The following ITGA8 variants were observed in gnomAD, a reference collection of about 807,000 sequenced individuals.
The protein encoded by ITGA8 is integrin alpha-8.
Under a neutral mutation model 142.3 loss-of-function variants are expected in ITGA8, and 91 were observed. The observed-to-expected ratio is 0.64, with a 90% CI of 0.54 to 0.76. ITGA8 has a LOEUF of 0.76. Ranked by LOEUF, ITGA8 falls within the 30% of genes least tolerant of loss-of-function variation. The pLI is 0.00. For missense variants in ITGA8, 1,406 were observed against 1,327.7 expected, an observed-to-expected ratio of 1.06 and a Z score of -0.92; for synonymous variants, 505 against 485.2, an observed-to-expected ratio of 1.04 and a Z score of -0.54.
intron 4 of ITGA8, among the ~76,000 whole-genome samples, chr10:15,679,500 T>C (rs1190400935): frequency 6.6e-6 from 1 of 152,136 alleles, no homozygotes; most frequent in Non-Finnish European, 1.5e-5. Flanking sequence ...GAGAATCTCT[T>C]GAACCCAGGA....
At chr10:15,657,331 A>G (rs369001768) in intron 10 of ITGA8, among the ~76,000 whole-genome samples, 2 of 152,162 alleles carry the variant, frequency 1.3e-5, no homozygotes, top group Non-Finnish European at 2.9e-5. Context: ...TTCAATATCT[A>G]TTCAACTTCC....
chr10:15,585,612 C>T (rs1405309484), intron 23 of ITGA8, among the ~76,000 whole-genome samples: 1 of 152,120 alleles, frequency 6.6e-6, no homozygotes, highest in East Asian at 1.9e-4. Context: ...ACATTTTTAG[C>T]CAAATCCATG....
At chr10:15,654,843 A>G (rs948027112) in intron 11 of ITGA8, among the ~76,000 whole-genome samples, 2 of 152,196 alleles carry the variant, frequency 1.3e-5, no homozygotes, top group African/African-American at 4.8e-5. Context: ...ATCATAATTT[A>G]TTTTTGAAGT....
rs556398399 is a variant in ITGA8, at chr10:15,527,669, A to G, written c.2982+3381T>C. On this transcript the variant is annotated intron_variant, in intron 28 of 29. Transcript: ENST00000378076. ...CAAACGGGAATTGTGATTCTCTTCCATAAGTAAAGCTAATACGGGCCTCAA... is the reference window on the plus strand; with the variant it reads ...CAAACGGGAATTGTGATTCTCTTCCGTAAGTAAAGCTAATACGGGCCTCAA... Among the ~76,000 whole-genome samples, 9 of 152,300 alleles carry G rather than the reference A, an allele frequency of 5.9e-5. No homozygotes were observed. In the South Asian group the frequency reaches 1.5e-3, roughly 25 times the overall value.
chr10:15,678,082 G>A (rs1834665807), intron 5 of ITGA8, among the ~76,000 whole-genome samples: 1 of 152,110 alleles, frequency 6.6e-6, no homozygotes, highest in Non-Finnish European at 1.5e-5. Flanking sequence ...AGGAGAAAGA[G>A]CAAACACTCC....
At chr10:15,675,958 AT>A (rs1183943858) in intron 6 of ITGA8, among the ~76,000 whole-genome samples, 2 of 152,214 alleles carry the variant, frequency 1.3e-5, no homozygotes, top group Non-Finnish European at 2.9e-5. Context: ...AACCAAAAGA[AT>A]GGATGATGTG....
At position 15,594,445 on chromosome 10, in the gene ITGA8, G is replaced by A. The variant is rs1051844112; in HGVS notation, c.2212-2141C>T. On this transcript the variant is annotated intron_variant, in intron 21 of 29. Transcript: ENST00000378076. ...TGTATGTTTTTATCTTTATATTGCCGACTCTAGCTTAGAACCTGGCATATA... is the reference window on the plus strand; with the variant it reads ...TGTATGTTTTTATCTTTATATTGCCAACTCTAGCTTAGAACCTGGCATATA... Among the ~76,000 whole-genome samples, 8 of 151,868 alleles carry A rather than the reference G, an allele frequency of 5.3e-5. No individual in the cohort carries two copies. In the East Asian group the frequency reaches 5.8e-4, roughly 11 times the overall value.
rs779422979 is a variant in ITGA8, at chr10:15,572,266, G to A, written c.2582C>T (p.Thr861Ile). The A allele has an allele frequency of 1.9e-6, 3 of 1,613,938 alleles. No individual in the cohort carries two copies. The highest frequency in any genetic ancestry group is 2.5e-6 in the Non-Finnish European group (3 of 1,179,850). The change falls in exon 25 of 30, where the codon ACT becomes ATT. Residue 861 changes from threonine (T) to isoleucine (I), a missense_variant. Physicochemically the swap from Thr to Ile is moderately conservative, Grantham distance 89 (BLOSUM62 -1). Transcript: ENST00000378076. ...EFLLYIFHIQTLGPLQCQPNP... is the reference protein window; with the variant it reads ...EFLLYIFHIQILGPLQCQPNP... ...TGGTTGGCACTGCAGAGGTCCCAGA[G>A]TTTGAATATGGAAAATATAGAGAAG...
chr10:15,535,611 A>G (rs1056923312), intron 27 of ITGA8, among the ~76,000 whole-genome samples: 3 of 152,202 alleles, frequency 2.0e-5, no homozygotes, highest in Admixed American at 2.0e-4. Flanking sequence ...TATCTAGCTA[A>G]TCTAGTGGAG....
At chr10:15,719,194 G>A (rs1460373236) in intron 1 of ITGA8, among the ~76,000 whole-genome samples, 1 of 152,186 alleles carries the variant, frequency 6.6e-6, no homozygotes. Flanking sequence ...GCTGGTAGCC[G>A]ACAGCTCTTG....
intron 23 of ITGA8, among the ~76,000 whole-genome samples, chr10:15,576,758 T>C (rs955907473): frequency 3.3e-5 from 5 of 152,244 alleles, no homozygotes; most frequent in Admixed American, 3.3e-4. Flanking sequence ...TCAAATGCTT[T>C]TGGTCAAAGT....
chr10:15,641,984 T>C (rs1339537493), intron 13 of ITGA8, among the ~76,000 whole-genome samples: 1 of 151,994 alleles, frequency 6.6e-6, no homozygotes, highest in Non-Finnish European at 1.5e-5. Context: ...AAAAATGAGC[T>C]GAGTGTGGTG....
intron 3 of ITGA8, among the ~76,000 whole-genome samples, chr10:15,686,553 A>G (rs965376065): frequency 6.6e-6 from 1 of 152,198 alleles, no homozygotes; most frequent in African/African-American, 2.4e-5. Flanking sequence ...TTGATGTGAA[A>G]CATACTGATG....
intron 13 of ITGA8, among the ~76,000 whole-genome samples, chr10:15,630,858 C>T (rs1035798301): frequency 1.3e-5 from 2 of 151,978 alleles, no homozygotes; most frequent in African/African-American, 4.8e-5. Context: ...TTAATGATCA[C>T]CATTCTAACT....
Position 15,719,892 on chromosome 10 carries a change from G to T in ITGA8, c.-121C>A. On this transcript the variant is annotated 5_prime_UTR_variant, in exon 1 of 30. Coordinates refer to ENST00000378076, the MANE Select transcript of ITGA8 (RefSeq NM_003638.3). ...GCCCGTGTCCCGGGTCGGTGCGCTC[G>T]GCGCACCCGTGGTGACAGTGCCCGG... 6.6e-6 allele frequency: 5 copies of T among 753,418 alleles called. No homozygotes were observed. Among genetic ancestry groups the T allele is most frequent in the Non-Finnish European group, 9.2e-6 (5 of 542,982 alleles). The allele number at this position is 753,418 out of a possible 1,614,324, so 46.7% of individuals were successfully genotyped here. A position where few individuals can be genotyped will look rare whatever the true frequency, so the allele number is the denominator to read the frequency against.
intron 13 of ITGA8, among the ~76,000 whole-genome samples, chr10:15,642,257 A>G (rs1241798601): frequency 6.6e-6 from 1 of 152,138 alleles, no homozygotes; most frequent in African/African-American, 2.4e-5. Flanking sequence ...AGAAAAGTTG[A>G]CTCATGCCTC....
intron 10 of ITGA8, among the ~76,000 whole-genome samples, chr10:15,656,367 A>AT (rs1280981875): frequency 1.3e-5 from 2 of 151,344 alleles, no homozygotes; most frequent in African/African-American, 4.9e-5. Flanking sequence ...TTATTTATTT[A>AT]TTTATTTATT....
At chr10:15,589,949 G>GA (rs1832897768) in intron 22 of ITGA8, among the ~76,000 whole-genome samples, 2 of 152,166 alleles carry the variant, frequency 1.3e-5, no homozygotes, top group South Asian at 4.2e-4. Context: ...TTTTAGTAGA[G>GA]AAAAGGTTTC....
chr10:15,583,159 T>C (rs1021352433), intron 23 of ITGA8, among the ~76,000 whole-genome samples: 2 of 152,152 alleles, frequency 1.3e-5, no homozygotes, highest in African/African-American at 2.4e-5. Flanking sequence ...GTGGCACATA[T>C]ACAATGTGGA....
Sources: gnomAD v4.1 joint callset for allele counts (sites outside exome capture counted in the v4.1 genomes callset) on GRCh38, gnomAD v4.1.1 for gene constraint, MANE v1.5 for transcripts, NCBI Gene and HGNC (gene_info 2026-07-23, HGNC 2026-07-21) for gene names.